The following SPARCL1 variants were observed in gnomAD, a reference collection of about 807,000 sequenced individuals.
The protein encoded by SPARCL1 is SPARC-like protein 1.
Under a neutral mutation model 67.1 loss-of-function variants are expected in SPARCL1, and 52 were observed. The ratio of observed to expected loss-of-function variants is 0.78; its 90% CI spans 0.62 to 0.98. The LOEUF is 0.98. Among genes scored for constraint, SPARCL1 ranks in the 50% least tolerant of loss-of-function variants. The pLI is 0.00. For missense variants in SPARCL1, 717 were observed against 782.4 expected (o/e 0.92, Z 1.00); for synonymous variants, 226 against 267.8 (o/e 0.84, Z 1.52).
intron 10 of SPARCL1, among the ~76,000 whole-genome samples, chr4:87,478,229 G>T (rs546635896): frequency 4.9e-4 from 74 of 152,030 alleles, no homozygotes; most frequent in African/African-American, 1.7e-3. Flanking sequence ...TCTGTGAGTG[G>T]TATTTTTCTT....
At chr4:87,525,162 CA>C (rs137937525) in intron 1 of SPARCL1, among the ~76,000 whole-genome samples, 4,514 of 138,044 alleles carry the variant, frequency 0.033, 74 homozygotes, top group African/African-American at 0.045. Flanking sequence ...GACTCTGTCT[CA>C]AAAAAAAAAA....
intron 1 of SPARCL1, among the ~76,000 whole-genome samples, chr4:87,511,827 G>A (rs1725369842): frequency 6.6e-6 from 1 of 152,030 alleles, no homozygotes; most frequent in Admixed American, 6.6e-5. Context: ...GGCAGTGAGT[G>A]TAGACCACTC....
intron 1 of SPARCL1, among the ~76,000 whole-genome samples, chr4:87,504,183 G>GTGTGTGTGT (rs1553970309): frequency 4.5e-4 from 43 of 94,556 alleles, no homozygotes; most frequent in East Asian, 8.6e-4. Flanking sequence ...GTGTGTGTGT[G>GTGTGTGTGT]GTGGGGTGGG....
At chr4:87,477,670 G>C (rs182146658) in intron 10 of SPARCL1, among the ~76,000 whole-genome samples, 4 of 152,302 alleles carry the variant, frequency 2.6e-5, no homozygotes, top group African/African-American at 4.8e-5. Flanking sequence ...AGAGCCATGG[G>C]AGTGGGCTTA....
intron 1 of SPARCL1, among the ~76,000 whole-genome samples, chr4:87,517,702 C>A (rs76497655): frequency 6.6e-6 from 1 of 152,060 alleles, no homozygotes; most frequent in Non-Finnish European, 1.5e-5. Flanking sequence ...GTGGAAATTG[C>A]CTCTCTTTTG....
chr4:87,495,619 C>T lies in SPARCL1; in HGVS notation c.55-492G>A, dbSNP rs115838544. Among the ~76,000 whole-genome samples the T allele has an allele frequency of 8.5e-3, 1,289 of 152,154 alleles. 17 individuals carry two copies. The highest frequency in any genetic ancestry group is 0.027 in the African/African-American group (1,130 of 41,516). ...GATTTCTTAACGCCATTGGCCTTAA[C>T]GTTGGTCAGGAAATCTTAATGGGGC... On this transcript the variant is annotated intron_variant, in intron 2 of 10. Coordinates refer to ENST00000282470, the MANE Select transcript of SPARCL1 (RefSeq NM_004684.6).
In SPARCL1 at chr4:87,508,160, C is replaced by G. The variant is rs533865103; in HGVS notation, c.-11-8575G>C. Among the ~76,000 whole-genome samples, 4 of 152,162 alleles carry G rather than the reference C, an allele frequency of 2.6e-5. 1 individual carries two copies. Among genetic ancestry groups the G allele is most frequent in the South Asian group, 4.2e-4 (2 of 4,818 alleles). On this transcript the variant is annotated intron_variant, in intron 1 of 10. Transcript: ENST00000282470. ...GACAAAAAGGGTATGCTTTAGTACT[C>G]AAAGGCTGAGTGGGGAAACCCGGTA...
rs538193695 is a variant in SPARCL1, at chr4:87,525,177, T to A, written c.-12+3868A>T. Among the ~76,000 whole-genome samples the A allele has an allele frequency of 8.6e-3, 1,244 of 145,186 alleles. 16 individuals are homozygous for A. Among genetic ancestry groups the A allele is most frequent in the African/African-American group, 0.029 (1,158 of 39,398 alleles). ...GACTCTGTCTCAAAAAAAAAAAAAA[T>A]ACAATGATCTTATGAATTAGCTGTT... is the stretch of plus-strand genomic sequence containing the variant. On this transcript the variant is annotated intron_variant, in intron 1 of 10. Transcript: ENST00000282470.
intron 2 of SPARCL1, among the ~76,000 whole-genome samples, chr4:87,495,938 A>T (rs1305493465): frequency 6.6e-6 from 1 of 152,016 alleles, no homozygotes; most frequent in Non-Finnish European, 1.5e-5. Flanking sequence ...TCTCAAAAAC[A>T]AAAAAAATTA....
chr4:87,511,918 T>G (rs1186908335), intron 1 of SPARCL1, among the ~76,000 whole-genome samples: 2 of 152,016 alleles, frequency 1.3e-5, no homozygotes, highest in African/African-American at 4.8e-5. Context: ...ATATTTGTAT[T>G]TGAATGTGAT....
At chr4:87,495,793 T>TGGTGGTGGGTGC (rs1285925761) in intron 2 of SPARCL1, among the ~76,000 whole-genome samples, 1 of 151,958 alleles carries the variant, frequency 6.6e-6, no homozygotes, top group Admixed American at 6.6e-5. Context: ...TAGCTGGGTG[T>TGGTGGTGGGTGC]GGTGGTGGGT....
intron 1 of SPARCL1, among the ~76,000 whole-genome samples, chr4:87,513,060 A>G (rs1425898418): frequency 1.3e-5 from 2 of 152,154 alleles, no homozygotes; most frequent in African/African-American, 4.8e-5. Flanking sequence ...GAGAAGGAGG[A>G]ACTCTTTATT....
chr4:87,489,888 T>C (rs1469538453), intron 7 of SPARCL1, among the ~76,000 whole-genome samples: 1 of 152,160 alleles, frequency 6.6e-6, no homozygotes, highest in Non-Finnish European at 1.5e-5. Context: ...TGGAAAAATG[T>C]GTTGTCAGAG....
intron 4 of SPARCL1, among the ~76,000 whole-genome samples, chr4:87,492,242 A>G (rs1287214005): frequency 1.3e-5 from 2 of 152,040 alleles, no homozygotes; most frequent in African/African-American, 4.8e-5. Flanking sequence ...ACAAGGTGAA[A>G]CCCTGTCTCT....
At chr4:87,507,418 A>G (rs1023849878) in intron 1 of SPARCL1, among the ~76,000 whole-genome samples, 1 of 151,886 alleles carries the variant, frequency 6.6e-6, no homozygotes, top group Non-Finnish European at 1.5e-5. Flanking sequence ...TCAAAAGGAA[A>G]GAATGTCCAG....
chr4:87,527,256 C>T (rs1169763440), intron 1 of SPARCL1, among the ~76,000 whole-genome samples: 1 of 152,100 alleles, frequency 6.6e-6, no homozygotes, highest in Non-Finnish European at 1.5e-5. Flanking sequence ...AGACCCTGGC[C>T]TGGTTGGACA....
At chr4:87,526,596 G>A (rs1241387744) in intron 1 of SPARCL1, among the ~76,000 whole-genome samples, 2 of 152,202 alleles carry the variant, frequency 1.3e-5, no homozygotes, top group East Asian at 3.8e-4. Context: ...TACACTGATT[G>A]TAAGAAGCAG....
intron 1 of SPARCL1, among the ~76,000 whole-genome samples, chr4:87,525,091 T>A (rs11937945): frequency 0.39 from 58,950 of 150,990 alleles, 13,204 homozygotes; most frequent in East Asian, 0.6. Flanking sequence ...TGAACTCAGG[T>A]GGTGGAGGTT....
At chr4:87,495,271 G>T in intron 2 of SPARCL1, 144 bp from the exon 3 acceptor site, 1 of 662,694 alleles carries the variant, frequency 1.5e-6, no homozygotes, top group Non-Finnish European at 2.5e-6. Context: ...GAGTTTTTGA[G>T]GATATAAGCA....
Sources: gnomAD v4.1 joint callset for allele counts (sites outside exome capture counted in the v4.1 genomes callset) on GRCh38, gnomAD v4.1.1 for gene constraint, MANE v1.5 for transcripts, NCBI Gene and HGNC (gene_info 2026-07-23, HGNC 2026-07-21) for gene names.